CSMD3: variants seen among roughly 807,000 people sequenced by gnomAD.
CSMD3 encodes CUB and sushi domain-containing protein 3.
In CSMD3, 177 loss-of-function variants were observed where a neutral mutation model predicts 435.2. The ratio of observed to expected loss-of-function variants is 0.41; its 90% CI spans 0.36 to 0.46. The LOEUF is 0.46. Ranked by LOEUF, CSMD3 falls within the 20% of genes least tolerant of loss-of-function variation. The probability of loss-of-function intolerance (pLI) is 0.34; values close to 1 mark genes in which losing one functional copy is unlikely to be tolerated. For missense variants in CSMD3, 4,265 were observed against 4,504.6 expected (o/e 0.95, Z 1.52); for synonymous variants, 1,656 against 1,520.5 (o/e 1.09, Z -2.07).
At chr8:112,286,836 T>C (rs1445807176) in intron 58 of CSMD3, among the ~76,000 whole-genome samples, 1 of 152,136 alleles carries the variant, frequency 6.6e-6, no homozygotes, top group Non-Finnish European at 1.5e-5. Flanking sequence ...ATTTGCTATG[T>C]TGTGAACAAT....
chr8:112,373,830 C>T (rs369413578), intron 38 of CSMD3, among the ~76,000 whole-genome samples: 25 of 152,196 alleles, frequency 1.6e-4, no homozygotes, highest in African/African-American at 4.1e-4. Flanking sequence ...GCACTGTATT[C>T]GCTGGAGTTT....
intron 30 of CSMD3, 55 bp downstream of exon 30, chr8:112,503,735 G>T: frequency 7.7e-7 from 1 of 1,301,880 alleles, no homozygotes; most frequent in Non-Finnish European, 1.1e-6. Flanking sequence ...TTATTCTCCT[G>T]TATAAAATAT....
At chr8:113,361,975 G>A (rs571689390) in intron 1 of CSMD3, among the ~76,000 whole-genome samples, 2 of 152,200 alleles carry the variant, frequency 1.3e-5, no homozygotes, top group Admixed American at 1.3e-4. Context: ...AAATGAGGCA[G>A]ATTTTAATAA....
intron 8 of CSMD3, among the ~76,000 whole-genome samples, chr8:112,951,981 A>C (rs1414075394): frequency 3.3e-5 from 5 of 151,756 alleles, no homozygotes; most frequent in Non-Finnish European, 7.4e-5. Flanking sequence ...ATTCTAGAGG[A>C]GCCTACTAAA....
intron 2 of CSMD3, among the ~76,000 whole-genome samples, chr8:113,283,381 T>C (rs746142878): frequency 3.3e-5 from 5 of 150,216 alleles, no homozygotes; most frequent in Admixed American, 1.3e-4. Context: ...CTCAAATCAG[T>C]AAGAAAAAAA....
intron 4 of CSMD3, among the ~76,000 whole-genome samples, chr8:113,111,066 C>G (rs547056077): frequency 1.3e-5 from 2 of 152,132 alleles, no homozygotes; most frequent in Admixed American, 6.5e-5. Flanking sequence ...CTCCTAATAT[C>G]ATCACTATGG....
At chr8:113,072,309 T>A (rs1434027467) in intron 5 of CSMD3, among the ~76,000 whole-genome samples, 1 of 151,758 alleles carries the variant, frequency 6.6e-6, no homozygotes, top group Non-Finnish European at 1.5e-5. Flanking sequence ...AATTGCTCTG[T>A]CAAGGACTTC....
intron 5 of CSMD3, among the ~76,000 whole-genome samples, chr8:113,049,563 C>T (rs566889151): frequency 3.3e-5 from 5 of 152,230 alleles, no homozygotes; most frequent in African/African-American, 1.2e-4. Flanking sequence ...CATAAAATCA[C>T]AGCAGACACA....
At chr8:112,920,997 G>GCACACACACACACA (rs747366512) in intron 10 of CSMD3, among the ~76,000 whole-genome samples, 7 of 114,966 alleles carry the variant, frequency 6.1e-5, no homozygotes, top group Non-Finnish European at 3.9e-5. Flanking sequence ...ACGCGCGCGC[G>GCACACACACACACA]CACACACACA....
At chr8:112,427,190 T>C (rs1318985180) in intron 32 of CSMD3, among the ~76,000 whole-genome samples, 3 of 152,190 alleles carry the variant, frequency 2.0e-5, no homozygotes, top group African/African-American at 7.2e-5. Context: ...GCTGCCTGTC[T>C]ACAACTAAAC....
chr8:113,145,255 A>G (rs961706104), intron 4 of CSMD3, among the ~76,000 whole-genome samples: 3 of 151,538 alleles, frequency 2.0e-5, no homozygotes. Flanking sequence ...TTCAAGTGAG[A>G]TGTAATGCAA....
At chr8:112,244,166 A>C (rs1166872109) in intron 65 of CSMD3, among the ~76,000 whole-genome samples, 1 of 152,160 alleles carries the variant, frequency 6.6e-6, no homozygotes, top group Non-Finnish European at 1.5e-5. Context: ...GAGAATTTGA[A>C]GATAGAATTA....
chr8:113,436,106 G>C (rs890606911), intron 1 of CSMD3, among the ~76,000 whole-genome samples: 1 of 152,038 alleles, frequency 6.6e-6, no homozygotes, highest in African/African-American at 2.4e-5. Flanking sequence ...ACAGGTCCTA[G>C]GGAAGCTCCC....
chr8:113,027,162 C>G (rs185397025), intron 5 of CSMD3, among the ~76,000 whole-genome samples: 1 of 152,228 alleles, frequency 6.6e-6, no homozygotes, highest in Non-Finnish European at 1.5e-5. Flanking sequence ...AAAATGTTTT[C>G]ATCTAGAATT....
At position 112,247,006 on chromosome 8, in the gene CSMD3, T is replaced by C. The variant is rs2130152730; in HGVS notation, c.10222+14A>G. 6.4e-7 allele frequency: 1 copy of C among 1,559,766 alleles called. No homozygotes were observed. Among genetic ancestry groups the C allele is most frequent in the Non-Finnish European group, 8.8e-7 (1 of 1,130,660 alleles). ...TTACCCATGATAGCATTATTTCTTA[T>C]CCATAATACTTACGTATGCATTCAG... On this transcript the variant is annotated intron_variant, in intron 64 of 70. Coordinates refer to ENST00000297405, the MANE Select transcript of CSMD3 (RefSeq NM_198123.2).
intron 19 of CSMD3, among the ~76,000 whole-genome samples, chr8:112,645,976 A>C (rs2074968843): frequency 6.6e-6 from 1 of 152,122 alleles, no homozygotes; most frequent in Non-Finnish European, 1.5e-5. Flanking sequence ...CTCCTTATTC[A>C]CTTTCACTTG....
intron 1 of CSMD3, chr8:113,376,687 CA>C (rs769332337): frequency 5.0e-6 from 8 of 1,610,956 alleles, no homozygotes; most frequent in Non-Finnish European, 6.8e-6. Context: ...TGACACCCGC[CA>C]CAAGGACCGA....
At chr8:112,959,534 C>A (rs1215284578) in intron 7 of CSMD3, among the ~76,000 whole-genome samples, 8 of 151,940 alleles carry the variant, frequency 5.3e-5, no homozygotes, top group African/African-American at 1.9e-4. Context: ...TTGTTTATTT[C>A]TGCTTCATTG....
intron 2 of CSMD3, among the ~76,000 whole-genome samples, chr8:113,292,690 C>T (rs889891043): frequency 3.3e-5 from 5 of 151,718 alleles, no homozygotes; most frequent in Non-Finnish European, 7.4e-5. Context: ...TGCTGTTAAA[C>T]ATAGTAGTTA....
Sources: gnomAD v4.1 joint callset for allele counts (sites outside exome capture counted in the v4.1 genomes callset) on GRCh38, gnomAD v4.1.1 for gene constraint, MANE v1.5 for transcripts, NCBI Gene and HGNC (gene_info 2026-07-23, HGNC 2026-07-21) for gene names.